CFAP299: variants seen among roughly 807,000 people sequenced by gnomAD.
The protein encoded by CFAP299 is cilia- and flagella-associated protein 299.
CFAP299 carries 21 observed loss-of-function variants against 27.0 expected under a neutral mutation model. That is an observed-to-expected ratio of 0.78 (90% CI 0.55 to 1.12). The LOEUF (loss-of-function observed/expected upper bound fraction) is 1.12, where lower values mean the gene tolerates loss of function less well. CFAP299 is among the 50% of genes most tolerant of loss of function. The probability of loss-of-function intolerance (pLI) is 0.00; values close to 1 mark genes in which losing one functional copy is unlikely to be tolerated. For synonymous variants in CFAP299, 104 were observed against 98.1 expected, an observed-to-expected ratio of 1.06 and a Z score of -0.36; for missense variants, 310 against 276.6, an observed-to-expected ratio of 1.12 and a Z score of -0.86.
chr4:80,386,597 C>T (rs1172218745), intron 2 of CFAP299: 7 of 1,597,904 alleles, frequency 4.4e-6, no homozygotes, highest in Non-Finnish European at 5.1e-6. Context: ...GTATTTGTGG[C>T]GGAAAAAGCC....
At chr4:80,792,644 C>T (rs991850252) in intron 3 of CFAP299, among the ~76,000 whole-genome samples, 1 of 151,906 alleles carries the variant, frequency 6.6e-6, no homozygotes, top group Non-Finnish European at 1.5e-5. Context: ...TAAATCATAC[C>T]TGGAATTTAT....
At chr4:80,908,213 G>T (rs186447310) in intron 4 of CFAP299, among the ~76,000 whole-genome samples, 1 of 152,160 alleles carries the variant, frequency 6.6e-6, no homozygotes, top group African/African-American at 2.4e-5. Flanking sequence ...ATGCACTGTG[G>T]TGTTGGAGTT....
chr4:80,573,366 T>C (rs1167071517), intron 2 of CFAP299, among the ~76,000 whole-genome samples: 1 of 152,136 alleles, frequency 6.6e-6, no homozygotes, highest in Non-Finnish European at 1.5e-5. Context: ...TATATTCTGG[T>C]TATTAATCCC....
At chr4:80,926,390 T>C (rs1490094188) in intron 4 of CFAP299, among the ~76,000 whole-genome samples, 14 of 151,914 alleles carry the variant, frequency 9.2e-5, no homozygotes, top group Admixed American at 9.2e-4. Context: ...AAGAGGATGA[T>C]GGATGAGAAG....
intron 2 of CFAP299, among the ~76,000 whole-genome samples, chr4:80,411,053 G>C (rs1367700010): frequency 6.6e-6 from 1 of 152,130 alleles, no homozygotes; most frequent in Non-Finnish European, 1.5e-5. Context: ...TCATAATTAA[G>C]TTGCTCTTCT....
At chr4:80,548,486 A>T (rs1343071767) in intron 2 of CFAP299, among the ~76,000 whole-genome samples, 1 of 152,180 alleles carries the variant, frequency 6.6e-6, no homozygotes, top group East Asian at 1.9e-4. Flanking sequence ...AGCCTTAGTG[A>T]CATGCAATTT....
chr4:80,600,687 T>G lies in CFAP299; in HGVS notation c.333+17504T>G, dbSNP rs147877940. ...TTCTCACTATTGAAAAGGTCAGTTT[T>G]TTGTTGTTGTTGTTGTTGTTTCATG... On this transcript the variant is annotated intron_variant, in intron 3 of 5. Transcript: ENST00000358105. Among the ~76,000 whole-genome samples the G allele has an allele frequency of 1.7e-3, 257 of 152,166 alleles. 1 individual carries two copies. The highest frequency in any genetic ancestry group is 5.9e-3 in the African/African-American group (244 of 41,542).
chr4:80,727,896 G>A (rs893209338), intron 3 of CFAP299, among the ~76,000 whole-genome samples: 1 of 151,496 alleles, frequency 6.6e-6, no homozygotes, highest in African/African-American at 2.4e-5. Flanking sequence ...ATACTGTTAT[G>A]AAGTAATAAT....
chr4:80,477,336 C>G (rs765387614), intron 2 of CFAP299, among the ~76,000 whole-genome samples: 1 of 152,158 alleles, frequency 6.6e-6, no homozygotes, highest in East Asian at 1.9e-4. Flanking sequence ...GTTGGGATTA[C>G]AGGCATGAGC....
intron 2 of CFAP299, among the ~76,000 whole-genome samples, chr4:80,525,684 T>C (rs1373580733): frequency 6.6e-6 from 1 of 152,142 alleles, no homozygotes; most frequent in African/African-American, 2.4e-5. Flanking sequence ...GCGCCAGCCA[T>C]CTCAGCTTCT....
chr4:80,836,636 A>T (rs1298460082), intron 3 of CFAP299, among the ~76,000 whole-genome samples: 1 of 152,176 alleles, frequency 6.6e-6, no homozygotes, highest in Non-Finnish European at 1.5e-5. Context: ...AATTCAGTAT[A>T]ATCTCTCCAT....
intron 2 of CFAP299, among the ~76,000 whole-genome samples, chr4:80,546,728 G>T (rs953096529): frequency 2.0e-5 from 3 of 152,102 alleles, no homozygotes; most frequent in African/African-American, 4.8e-5. Flanking sequence ...CTTTTGCCAC[G>T]TGAAATGCTT....
At chr4:80,841,658 C>G (rs891037602) in intron 3 of CFAP299, among the ~76,000 whole-genome samples, 12 of 152,000 alleles carry the variant, frequency 7.9e-5, no homozygotes, top group African/African-American at 2.4e-4. Flanking sequence ...GTGATAATAA[C>G]CTTCCCCAAC....
chr4:80,387,879 G>T, intron 2 of CFAP299: 2 of 1,104,818 alleles, frequency 1.8e-6, no homozygotes, highest in Non-Finnish European at 2.8e-6. Flanking sequence ...TTGGTGGAGA[G>T]TCAAAGATGG....
chr4:80,424,399 G>C (rs78847757), intron 2 of CFAP299, among the ~76,000 whole-genome samples: 2,337 of 152,274 alleles, frequency 0.015, 62 homozygotes, highest in African/African-American at 0.052. Context: ...CACTATCTGG[G>C]TAAAACTTGC....
At chr4:80,360,100 C>T (rs1350917889) in intron 1 of CFAP299, among the ~76,000 whole-genome samples, 1 of 152,184 alleles carries the variant, frequency 6.6e-6, no homozygotes. Context: ...GGGGCCAGTG[C>T]TTAACTGCCA....
intron 4 of CFAP299, among the ~76,000 whole-genome samples, chr4:80,881,940 G>A (rs758872091): frequency 2.0e-5 from 3 of 152,096 alleles, no homozygotes; most frequent in Non-Finnish European, 4.4e-5. Flanking sequence ...TTTTGAGGCA[G>A]AGGAACACCA....
chr4:80,868,984 G>C (rs1005670682), intron 3 of CFAP299, among the ~76,000 whole-genome samples: 3 of 150,944 alleles, frequency 2.0e-5, no homozygotes, highest in African/African-American at 7.3e-5. Context: ...GAGCAAGCTT[G>C]ATGGTGAAAA....
At chr4:80,451,127 C>A (rs1234720698) in intron 2 of CFAP299, among the ~76,000 whole-genome samples, 3 of 152,124 alleles carry the variant, frequency 2.0e-5, no homozygotes, top group Admixed American at 2.0e-4. Context: ...GTTTTGGAGG[C>A]TGGAAGTCCA....
Sources: allele counts gnomAD v4.1 joint callset (sites outside exome capture counted in the v4.1 genomes callset), GRCh38; gene constraint gnomAD v4.1.1; transcripts MANE v1.5; gene names NCBI Gene and HGNC (gene_info 2026-07-23, HGNC 2026-07-21).